Variants in CDH18 observed in about 807,000 individuals in gnomAD.
The protein encoded by CDH18 is cadherin 18.
Under a neutral mutation model 67.9 loss-of-function variants are expected in CDH18, and 31 were observed. The observed-to-expected ratio is 0.46, with a 90% CI of 0.34 to 0.62. The LOEUF (loss-of-function observed/expected upper bound fraction) is 0.62. Ranked by LOEUF, CDH18 falls within the 20% of genes least tolerant of loss-of-function variation. The probability of loss-of-function intolerance (pLI) is 0.01; values close to 1 mark genes in which losing one functional copy is unlikely to be tolerated. For synonymous variants in CDH18, 362 were observed against 347.2 expected, an observed-to-expected ratio of 1.04 and a Z score of -0.48; for missense variants, 890 against 975.5, an observed-to-expected ratio of 0.91 and a Z score of 1.17.
chr5:20,406,905 C>A (rs1476474936), intron 1 of CDH18, among the ~76,000 whole-genome samples: 1 of 152,142 alleles, frequency 6.6e-6, no homozygotes, highest in Admixed American at 6.6e-5. Flanking sequence ...AAATTGGAAG[C>A]AATATCTCAG....
chr5:19,573,558 G>A (rs774794364), intron 7 of CDH18, among the ~76,000 whole-genome samples: 4 of 152,116 alleles, frequency 2.6e-5, no homozygotes, highest in Non-Finnish European at 2.9e-5. Flanking sequence ...GATTGCAGGC[G>A]TAAGCCACCA....
At chr5:19,834,564 A>T (rs1310173144) in intron 3 of CDH18, among the ~76,000 whole-genome samples, 1 of 151,850 alleles carries the variant, frequency 6.6e-6, no homozygotes, top group African/African-American at 2.4e-5. Context: ...GTCTTCTGCT[A>T]GCTTCTGGAT....
At chr5:20,302,090 A>G (rs1248319908) in intron 1 of CDH18, among the ~76,000 whole-genome samples, 1 of 152,174 alleles carries the variant, frequency 6.6e-6, no homozygotes, top group African/African-American at 2.4e-5. Context: ...GATGCAAAAC[A>G]ATTTCAGAAT....
At chr5:19,931,785 A>T (rs893331087) in intron 2 of CDH18, among the ~76,000 whole-genome samples, 1 of 151,844 alleles carries the variant, frequency 6.6e-6, no homozygotes, top group Non-Finnish European at 1.5e-5. Flanking sequence ...AGTCCTTTAT[A>T]TATCTCTCTG....
At chr5:20,141,210 C>T (rs1190109539) in intron 2 of CDH18, among the ~76,000 whole-genome samples, 62 of 152,114 alleles carry the variant, frequency 4.1e-4, no homozygotes, top group Non-Finnish European at 4.4e-5. Flanking sequence ...TTCTTGAAAA[C>T]ACGAAAGTAG....
intron 3 of CDH18, among the ~76,000 whole-genome samples, chr5:19,774,426 T>TTAAAATTAAATAAAATAAAA (rs1554030468): frequency 4.3e-5 from 6 of 139,450 alleles, no homozygotes; most frequent in Non-Finnish European, 6.1e-5. Flanking sequence ...TAAAATAAAA[T>TTAAAATTAAATAAAATAAAA]TAAAATAAAA....
chr5:19,752,914 G>A (rs1211345844), intron 3 of CDH18, among the ~76,000 whole-genome samples: 1 of 152,086 alleles, frequency 6.6e-6, no homozygotes, highest in African/African-American at 2.4e-5. Context: ...TGGGTGGCTA[G>A]ACCCAGAAGA....
At chr5:20,283,023 C>T (rs1051835233) in intron 1 of CDH18, among the ~76,000 whole-genome samples, 9 of 152,066 alleles carry the variant, frequency 5.9e-5, no homozygotes, top group African/African-American at 1.9e-4. Context: ...GGGTAAGGGA[C>T]AATCTCTTCA....
rs148828433 is a variant in CDH18 at position 19,698,234 on chromosome 5, T to C, written c.643+23113A>G. On this transcript the variant is annotated intron_variant, in intron 5 of 12. Coordinates refer to ENST00000382275, the MANE Select transcript of CDH18 (RefSeq NM_004934.5). ...AATGTTCTCCCCTGATTTTAAGATA[T>C]GGAAGTTTTTTTAAATAAATGATTT... 1.3e-3 allele frequency among the ~76,000 whole-genome samples: 197 copies of C among 152,280 alleles called. 1 individual carries two copies. Among genetic ancestry groups the C allele is most frequent in the African/African-American group, 4.6e-3 (190 of 41,580 alleles).
intron 1 of CDH18, among the ~76,000 whole-genome samples, chr5:20,296,257 T>C (rs1747510300): frequency 6.6e-6 from 1 of 151,200 alleles, no homozygotes; most frequent in Admixed American, 6.6e-5. Context: ...TGTTTTTGTT[T>C]TTTGTTTTTT....
chr5:19,771,922 C>T (rs1773778335), intron 3 of CDH18, among the ~76,000 whole-genome samples: 1 of 152,086 alleles, frequency 6.6e-6, no homozygotes, highest in African/African-American at 2.4e-5. Context: ...ACATTATATA[C>T]TTATTAATGC....
chr5:19,933,135 C>T lies in CDH18; in HGVS notation c.-257+47925G>A, dbSNP rs142973242. 2.3e-3 allele frequency among the ~76,000 whole-genome samples: 345 copies of T among 151,598 alleles called. 1 individual carries two copies. The highest frequency in any genetic ancestry group is 8.0e-3 in the African/African-American group (331 of 41,472). The stretch of plus-strand genomic sequence containing the variant: ...TATCTTAAACCTTCACCAATTCTCC[C>T]CTTTAATCCTTATTCTAGGTTGATG... On this transcript the variant is annotated intron_variant, in intron 2 of 12. Coordinates refer to ENST00000382275, the MANE Select transcript of CDH18 (RefSeq NM_004934.5).
intron 2 of CDH18, among the ~76,000 whole-genome samples, chr5:19,866,827 C>A (rs1785580730): frequency 1.3e-5 from 2 of 152,176 alleles, no homozygotes; most frequent in South Asian, 4.1e-4. Flanking sequence ...CGTGGTGGCT[C>A]ACACCTGTAA....
chr5:19,878,996 A>AT (rs1251452055), intron 2 of CDH18, among the ~76,000 whole-genome samples: 2 of 151,962 alleles, frequency 1.3e-5, no homozygotes, highest in Non-Finnish European at 2.9e-5. Context: ...TCATTTATTC[A>AT]TGCATTCAAA....
rs574441597 is a variant in CDH18, at chr5:20,312,996, A to G, written c.-579-57491T>C. ...AATATTTAAATAGCAGGTGCTTAAA[A>G]CAATGGTTGAGAAAATGAATTAATC... is the stretch of plus-strand genomic sequence containing the variant. On this transcript the variant is annotated intron_variant, in intron 1 of 14. Transcript: ENST00000507958. 5.9e-5 allele frequency among the ~76,000 whole-genome samples: 9 copies of G among 152,244 alleles called. No individual in the cohort carries two copies. The East Asian group carries it at 1.7e-3, about 29-fold the overall frequency.
At chr5:19,830,263 TG>T (rs1780868966) in intron 3 of CDH18, among the ~76,000 whole-genome samples, 1 of 152,092 alleles carries the variant, frequency 6.6e-6, no homozygotes, top group Admixed American at 6.6e-5. Context: ...ACTTATGCAA[TG>T]GGAGAAAATA....
chr5:19,699,502 A>G (rs1476632500), intron 5 of CDH18, among the ~76,000 whole-genome samples: 1 of 152,048 alleles, frequency 6.6e-6, no homozygotes, highest in African/African-American at 2.4e-5. Context: ...GTATTTGTAG[A>G]TGGGGCCTTT....
Position 19,747,975 on chromosome 5 carries a change from T to A in CDH18, c.229-739A>T, listed in dbSNP as rs1464660596. Among the ~76,000 whole-genome samples the A allele has an allele frequency of 4.0e-5, 6 of 148,348 alleles. No individual in the cohort carries two copies. The South Asian group carries it at 6.4e-4, about 16-fold the overall frequency. On this transcript the variant is annotated intron_variant, in intron 3 of 12. Transcript: ENST00000382275. ...AGTACAAAAAAAAACTAGCCGGGCG[T>A]GGTGGCGGGCGCCTGTAGTCCCAGC...
At chr5:20,057,602 A>T (rs972685215) in intron 2 of CDH18, among the ~76,000 whole-genome samples, 5 of 152,194 alleles carry the variant, frequency 3.3e-5, no homozygotes, top group Non-Finnish European at 7.3e-5. Flanking sequence ...TCACAGTTTT[A>T]AAATTGCATT....
Sources: allele counts gnomAD v4.1 joint callset (sites outside exome capture counted in the v4.1 genomes callset), GRCh38; gene constraint gnomAD v4.1.1; transcripts MANE v1.5; gene names NCBI Gene and HGNC (gene_info 2026-07-23, HGNC 2026-07-21).